CSMD1: variants seen among roughly 807,000 people sequenced by gnomAD.
The protein encoded by CSMD1 is CUB and sushi domain-containing protein 1.
In CSMD1, 213 loss-of-function variants were observed where a neutral mutation model predicts 417.5. The ratio of observed to expected loss-of-function variants is 0.51; its 90% confidence interval spans 0.46 to 0.57. CSMD1 has a LOEUF of 0.57. CSMD1 is among the 20% of genes least tolerant of loss of function. The pLI is 0.00. For synonymous variants in CSMD1, 2,862 were observed against 1,736.8 expected, an observed-to-expected ratio of 1.65 and a Z score of -16.11; for missense variants, 6,923 against 4,529.7, an observed-to-expected ratio of 1.53 and a Z score of -15.17.
intron 17 of CSMD1, among the ~76,000 whole-genome samples, chr8:3,390,560 T>G (rs12549782): frequency 0.056 from 8,469 of 152,090 alleles, 283 homozygotes; most frequent in Non-Finnish European, 0.081. Flanking sequence ...CCGGACTTTG[T>G]TGAAACGACG....
At chr8:3,565,211 TAGAG>T (rs142314670) in intron 10 of CSMD1, among the ~76,000 whole-genome samples, 4,939 of 57,324 alleles carry the variant, frequency 0.086, 268 homozygotes, top group Admixed American at 0.28. Context: ...GATAGATAGA[TAGAG>T]AGATAGACAG....
At chr8:4,664,367 C>T (rs1481656484) in intron 1 of CSMD1, among the ~76,000 whole-genome samples, 4 of 152,106 alleles carry the variant, frequency 2.6e-5, no homozygotes, top group Non-Finnish European at 5.9e-5. Flanking sequence ...CTAGACCAGC[C>T]TGGGCAACAT....
intron 7 of CSMD1, among the ~76,000 whole-genome samples, chr8:3,648,772 C>A (rs547290369): frequency 6.6e-6 from 1 of 152,124 alleles, no homozygotes; most frequent in Non-Finnish European, 1.5e-5. Flanking sequence ...AAGCAGTATG[C>A]ATTGTATTTA....
At chr8:4,507,770 A>G (rs775287498) in intron 2 of CSMD1, among the ~76,000 whole-genome samples, 12 of 152,230 alleles carry the variant, frequency 7.9e-5, no homozygotes, top group Non-Finnish European at 1.6e-4. Flanking sequence ...ATGATTGTCT[A>G]TAAGAGTTGT....
intron 4 of CSMD1, among the ~76,000 whole-genome samples, chr8:4,015,991 A>C (rs1326070653): frequency 6.6e-6 from 1 of 152,220 alleles, no homozygotes; most frequent in African/African-American, 2.4e-5. Context: ...GCACCAAGTC[A>C]GAGCTGGCCT....
chr8:4,165,682 C>A (rs868322993), intron 3 of CSMD1, among the ~76,000 whole-genome samples: 1 of 152,174 alleles, frequency 6.6e-6, no homozygotes, highest in African/African-American at 2.4e-5. Context: ...GAATTACAGG[C>A]GTGACCCATC....
chr8:4,125,334 G>C (rs954970182), intron 3 of CSMD1, among the ~76,000 whole-genome samples: 1 of 152,190 alleles, frequency 6.6e-6, no homozygotes, highest in African/African-American at 2.4e-5. Flanking sequence ...ACTCTAAAGA[G>C]CGCAACTGTT....
chr8:4,152,855 T>C (rs927529986), intron 3 of CSMD1, among the ~76,000 whole-genome samples: 1 of 152,336 alleles, frequency 6.6e-6, no homozygotes, highest in Non-Finnish European at 1.5e-5. Context: ...CATGTGTATT[T>C]ATGGAGAAAT....
intron 3 of CSMD1, among the ~76,000 whole-genome samples, chr8:4,252,443 C>T (rs1188446218): frequency 6.6e-6 from 1 of 152,172 alleles, no homozygotes; most frequent in South Asian, 2.1e-4. Flanking sequence ...CTCGAGGGGA[C>T]CTGAATGAGA....
At chr8:3,592,704 G>C (rs867175844) in intron 8 of CSMD1, among the ~76,000 whole-genome samples, 1 of 151,276 alleles carries the variant, frequency 6.6e-6, no homozygotes, top group African/African-American at 2.5e-5. Context: ...GTGTGTGTGT[G>C]TGTGTGAGTA....
intron 10 of CSMD1, among the ~76,000 whole-genome samples, chr8:3,535,608 T>A (rs1423567234): frequency 6.6e-6 from 1 of 152,190 alleles, no homozygotes; most frequent in Non-Finnish European, 1.5e-5. Context: ...TTAATGGGTA[T>A]AATGTACCTT....
At chr8:4,703,808 C>T (rs1272933150) in intron 1 of CSMD1, among the ~76,000 whole-genome samples, 1 of 152,180 alleles carries the variant, frequency 6.6e-6, no homozygotes, top group Non-Finnish European at 1.5e-5. Flanking sequence ...TCAAGCTCAA[C>T]AGTCCCCAGC....
At chr8:4,685,862 G>T (rs1806351025) in intron 1 of CSMD1, among the ~76,000 whole-genome samples, 1 of 152,172 alleles carries the variant, frequency 6.6e-6, no homozygotes, top group African/African-American at 2.4e-5. Flanking sequence ...CTAAAAGAGA[G>T]GTTGATTTCC....
chr8:3,780,699 C>A (rs1177181436), intron 5 of CSMD1, among the ~76,000 whole-genome samples: 1 of 152,190 alleles, frequency 6.6e-6, no homozygotes, highest in Non-Finnish European at 1.5e-5. Flanking sequence ...AGAAAGAGCC[C>A]AGCCTGGTGA....
At chr8:4,358,955 C>T (rs1051035573) in intron 3 of CSMD1, among the ~76,000 whole-genome samples, 9 of 108,326 alleles carry the variant, frequency 8.3e-5, no homozygotes, top group African/African-American at 4.5e-4. Context: ...ACTACACTTC[C>T]AGAGTCTTGT....
At chr8:4,122,181 A>G (rs570830451) in intron 3 of CSMD1, among the ~76,000 whole-genome samples, 1 of 152,202 alleles carries the variant, frequency 6.6e-6, no homozygotes, top group Non-Finnish European at 1.5e-5. Flanking sequence ...TAAGAATGAC[A>G]GTGACTCCAA....
chr8:3,781,421 G>A (rs1284151805), intron 5 of CSMD1, among the ~76,000 whole-genome samples: 1 of 152,176 alleles, frequency 6.6e-6, no homozygotes, highest in Non-Finnish European at 1.5e-5. Context: ...TGGACTGGGA[G>A]CAGCACAGTC....
intron 2 of CSMD1, among the ~76,000 whole-genome samples, chr8:4,461,894 C>G (rs1049553955): frequency 5.3e-5 from 8 of 152,006 alleles, no homozygotes; most frequent in African/African-American, 1.9e-4. Context: ...GAGCCCGCCA[C>G]CACGCCCGGC....
At chr8:4,431,788 G>C (rs1045734907) in intron 2 of CSMD1, among the ~76,000 whole-genome samples, 22 of 151,974 alleles carry the variant, frequency 1.4e-4, no homozygotes, top group African/African-American at 5.1e-4. Context: ...TAGAAATGTA[G>C]CAAATGCTTA....
Sources: gnomAD v4.1 joint callset for allele counts (sites outside exome capture counted in the v4.1 genomes callset) on GRCh38, gnomAD v4.1.1 for gene constraint, MANE v1.5 for transcripts, NCBI Gene and HGNC (gene_info 2026-07-23, HGNC 2026-07-21) for gene names.